EGFR: variants seen among roughly 807,000 people sequenced by gnomAD.
EGFR encodes epidermal growth factor receptor.
A neutral mutation model predicts 143.0 loss-of-function variants in EGFR; 58 were observed. That is an observed-to-expected ratio of 0.41 (90% confidence interval 0.33 to 0.50). EGFR has a LOEUF of 0.50. Among genes scored for constraint, EGFR ranks in the 20% least tolerant of loss-of-function variants. The pLI is 0.39. For missense variants in EGFR, 1,307 were observed against 1,579.0 expected, an observed-to-expected ratio of 0.83 and a Z score of 2.92; for synonymous variants, 613 against 594.4, an observed-to-expected ratio of 1.03 and a Z score of -0.45.
In EGFR at chr7:55,150,713, T is replaced by C. The variant is rs554076549; in HGVS notation, c.560-581T>C. ...GCTATAATTTGTAATCGGCCAATTATAAAAACTGCAAAAATTGACCAGATA... is the reference window on the plus strand; with the variant it reads ...GCTATAATTTGTAATCGGCCAATTACAAAAACTGCAAAAATTGACCAGATA... On this transcript the variant is annotated intron_variant, in intron 4 of 27. Transcript: ENST00000275493. Among the ~76,000 whole-genome samples, 14 of 152,342 alleles carry C rather than the reference T, an allele frequency of 9.2e-5. No homozygotes were observed. In the South Asian group the frequency reaches 2.9e-3, roughly 32 times the overall value.
chr7:55,067,901 C>T (rs147129469), intron 1 of EGFR, among the ~76,000 whole-genome samples: 5 of 150,146 alleles, frequency 3.3e-5, no homozygotes, highest in Non-Finnish European at 7.4e-5. Flanking sequence ...CATGTGTGTA[C>T]GTGTGTGTTC....
chr7:55,145,928 T>G (rs768756993), intron 3 of EGFR, among the ~76,000 whole-genome samples: 2 of 152,110 alleles, frequency 1.3e-5, no homozygotes, highest in Non-Finnish European at 2.9e-5. Flanking sequence ...TACACATAAG[T>G]CATTCTGTCA....
chr7:55,026,666 C>A (rs1039289760), intron 1 of EGFR, among the ~76,000 whole-genome samples: 2 of 152,134 alleles, frequency 1.3e-5, no homozygotes, highest in Non-Finnish European at 2.9e-5. Context: ...ATGCCTGCCC[C>A]AAGATAAACT....
rs565491275 is a variant in EGFR, at chr7:55,131,287, C to CTT, written c.89-10987_89-10986dup. Among the ~76,000 whole-genome samples, 488 of 144,726 alleles carry CTT rather than the reference C, an allele frequency of 3.4e-3. 2 individuals are homozygous for CTT. The highest frequency in any genetic ancestry group is 0.012 in the African/African-American group (467 of 39,618). The allele number at this position is 144,726 out of a possible 152,430, so 94.9% of individuals were successfully genotyped here. A position where few individuals can be genotyped will look rare whatever the true frequency, so the allele number is the denominator to read the frequency against. On this transcript the variant is annotated intron_variant, in intron 1 of 27. Transcript: ENST00000275493. ...CCGGCAGAGGCTGGCTTTCCACCTTCTTTTTTTTTTTTTCACTCTTCAAAC... is the reference window on the plus strand; with the variant it reads ...CCGGCAGAGGCTGGCTTTCCACCTTCTTTTTTTTTTTTTTTCACTCTTCAAAC...
intron 1 of EGFR, among the ~76,000 whole-genome samples, chr7:55,129,208 TA>T (rs747376808): frequency 1.3e-5 from 2 of 152,280 alleles, no homozygotes; most frequent in East Asian, 3.9e-4. Flanking sequence ...GAAGCAGATC[TA>T]GCTGGGGAGG....
At chr7:55,147,245 G>T (rs973763759) in intron 4 of EGFR, among the ~76,000 whole-genome samples, 1 of 152,210 alleles carries the variant, frequency 6.6e-6, no homozygotes, top group African/African-American at 2.4e-5. Flanking sequence ...CTGGTGGCCT[G>T]GTCCCTGTCC....
chr7:55,174,617 T>C (rs1786508391), intron 18 of EGFR, 105 bp from the exon 19 acceptor site: 1 of 1,000,626 alleles, frequency 1.0e-6, no homozygotes, highest in South Asian at 1.3e-5. Flanking sequence ...CCAGTGTCCC[T>C]CACCTTCGGG....
At chr7:55,065,285 G>A (rs999300017) in intron 1 of EGFR, among the ~76,000 whole-genome samples, 1 of 152,142 alleles carries the variant, frequency 6.6e-6, no homozygotes. Flanking sequence ...GGAGGAGAGG[G>A]GTGGACGAGG....
At chr7:55,144,695 T>C (rs980232789) in intron 3 of EGFR, among the ~76,000 whole-genome samples, 2 of 152,074 alleles carry the variant, frequency 1.3e-5, no homozygotes, top group African/African-American at 4.8e-5. Flanking sequence ...TCCTGTGAGA[T>C]GGCCTGGTAC....
Position 55,156,787 on chromosome 7 carries a change from G to T in EGFR, c.1162G>T (p.Asp388Tyr), listed in dbSNP as rs2128938720. Residue 388 changes from aspartate (D) to tyrosine (Y), a missense_variant, in exon 10 of 28, where the codon GAT (aspartate) becomes TAT (tyrosine). Transcript: ENST00000275493. Reference protein sequence around the residue: ...GDSFTHTPPLDPQELDILKTV... With the variant: ...GDSFTHTPPLYPQELDILKTV... ...CTCCTTCACACATACTCCTCCTCTGGATCCACAGGAACTGGATATTCTGAA... is the reference window on the plus strand; with the variant it reads ...CTCCTTCACACATACTCCTCCTCTGTATCCACAGGAACTGGATATTCTGAA... 1.9e-6 allele frequency: 3 copies of T among 1,614,158 alleles called. No individual in the cohort carries two copies. Among genetic ancestry groups the T allele is most frequent in the Non-Finnish European group, 2.5e-6 (3 of 1,180,042 alleles).
intron 1 of EGFR, among the ~76,000 whole-genome samples, chr7:55,076,926 A>G (rs1236624491): frequency 1.3e-5 from 2 of 151,992 alleles, no homozygotes; most frequent in African/African-American, 4.8e-5. Context: ...AGGGAAATTG[A>G]CTAGCAGCCA....
intron 16 of EGFR, 99 bp downstream of exon 16, chr7:55,171,312 T>C (rs1786339326): frequency 6.5e-7 from 1 of 1,528,526 alleles, no homozygotes; most frequent in Admixed American, 1.7e-5. Context: ...TCCTCTGTCC[T>C]GATCAAGTTT....
intron 15 of EGFR, among the ~76,000 whole-genome samples, chr7:55,167,352 T>C (rs1465762621): frequency 1.4e-5 from 2 of 139,894 alleles, no homozygotes; most frequent in African/African-American, 2.8e-5. Flanking sequence ...GGAGTCACAA[T>C]GGTGGTGGTG....
At chr7:55,191,513 A>G (rs1477249391) in intron 20 of EGFR, among the ~76,000 whole-genome samples, 1 of 152,144 alleles carries the variant, frequency 6.6e-6, no homozygotes, top group African/African-American at 2.4e-5. Flanking sequence ...GAGGAACTGG[A>G]TGGAGAAAAG....
chr7:55,049,887 A>G (rs879742700), intron 1 of EGFR, among the ~76,000 whole-genome samples: 11 of 152,108 alleles, frequency 7.2e-5, no homozygotes, highest in African/African-American at 1.2e-4. Context: ...ATTTCCACTC[A>G]TGACCTCACA....
intron 1 of EGFR, among the ~76,000 whole-genome samples, chr7:55,127,019 G>A (rs1330291599): frequency 6.6e-6 from 1 of 152,156 alleles, no homozygotes; most frequent in Admixed American, 6.5e-5. Flanking sequence ...TTCTAATGGT[G>A]AAAACCATTC....
At chr7:55,203,508 C>T (rs1017763003) in intron 27 of EGFR, among the ~76,000 whole-genome samples, 28 of 148,196 alleles carry the variant, frequency 1.9e-4, no homozygotes, top group Non-Finnish European at 2.8e-4. Context: ...ATATACACTA[C>T]ACACACCATT....
chr7:55,179,664 G>C (rs1215204259), intron 19 of EGFR: 1 of 152,200 alleles, frequency 6.6e-6, no homozygotes, highest in African/African-American at 2.4e-5. Context: ...TTGTATTTTA[G>C]TAAATATTTA....
intron 10 of EGFR, 55 bp downstream of exon 10, chr7:55,156,887 G>T: frequency 6.2e-7 from 1 of 1,612,228 alleles, no homozygotes; most frequent in East Asian, 2.2e-5. Context: ...TTTAGAGAGA[G>T]AACTTTTCGA....
Sources: allele counts gnomAD v4.1 joint callset (sites outside exome capture counted in the v4.1 genomes callset), GRCh38; gene constraint gnomAD v4.1.1; transcripts MANE v1.5; gene names NCBI Gene and HGNC (gene_info 2026-07-23, HGNC 2026-07-21).